Variants in ZNF618 observed in about 807,000 individuals in gnomAD.
ZNF618 encodes neural precursor cell expressed, developmentally down-regulated 10.
In ZNF618, 34 loss-of-function variants were observed where a neutral mutation model predicts 103.0. The ratio of observed to expected loss-of-function variants is 0.33; its 90% CI spans 0.25 to 0.44. The LOEUF (loss-of-function observed/expected upper bound fraction) is 0.44. ZNF618 is among the 20% of genes least tolerant of loss of function. ZNF618 has a pLI of 1.00. For missense variants in ZNF618, 1,059 were observed against 1,295.4 expected (o/e 0.82, Z 2.80); for synonymous variants, 551 against 542.2 (o/e 1.02, Z -0.23).
intron 2 of ZNF618, among the ~76,000 whole-genome samples, chr9:113,983,635 G>A (rs1337695802): frequency 9.2e-5 from 14 of 152,190 alleles, no homozygotes; most frequent in Admixed American, 9.2e-4. Flanking sequence ...ACTAGGGAGA[G>A]GCTGCCTTTT....
chr9:113,951,534 TGTAC>T (rs1193365374), intron 1 of ZNF618, among the ~76,000 whole-genome samples: 2 of 81,694 alleles, frequency 2.4e-5, no homozygotes, highest in African/African-American at 7.6e-5. Flanking sequence ...CACATATGTG[TGTAC>T]ATATGTACAC....
At chr9:114,026,872 G>T (rs1401182136) in intron 10 of ZNF618, among the ~76,000 whole-genome samples, 4 of 152,144 alleles carry the variant, frequency 2.6e-5, no homozygotes, top group Non-Finnish European at 5.9e-5. Context: ...AGTCGAGGGG[G>T]GAAAACAAAG....
chr9:114,044,826 A>AGTTT (rs755707582), intron 13 of ZNF618, among the ~76,000 whole-genome samples: 1 of 151,336 alleles, frequency 6.6e-6, no homozygotes, highest in Non-Finnish European at 1.5e-5. Context: ...TTGGTGGGGC[A>AGTTT]GTTTTTTGGC....
intron 1 of ZNF618, among the ~76,000 whole-genome samples, chr9:113,898,608 G>A (rs1830246609): frequency 2.6e-5 from 4 of 151,724 alleles, no homozygotes; most frequent in Admixed American, 2.6e-4. Flanking sequence ...TAAATTTTTT[G>A]TAGAGGCGGG....
intron 1 of ZNF618, among the ~76,000 whole-genome samples, chr9:113,950,103 CAAAG>C (rs1835416349): frequency 6.6e-6 from 1 of 152,178 alleles, no homozygotes; most frequent in African/African-American, 2.4e-5. Context: ...AGAGGAAAAA[CAAAG>C]AGAAAGAGGC....
intron 9 of ZNF618, among the ~76,000 whole-genome samples, chr9:114,010,472 C>T (rs1243779264): frequency 1.3e-5 from 2 of 151,548 alleles, no homozygotes; most frequent in Non-Finnish European, 2.9e-5. Flanking sequence ...TTTGGGAGGC[C>T]GAGACGGGTG....
intron 2 of ZNF618, among the ~76,000 whole-genome samples, chr9:113,976,666 A>T (rs182247913): frequency 4.5e-4 from 68 of 152,218 alleles, no homozygotes; most frequent in South Asian, 8.3e-4. Flanking sequence ...TCACTGCTGC[A>T]TGGAGGGTGA....
Position 113,954,368 on chromosome 9 carries a change from G to A in ZNF618, c.34-14749G>A, listed in dbSNP as rs149085703. Among the ~76,000 whole-genome samples the A allele has an allele frequency of 5.2e-3, 790 of 152,224 alleles. 13 individuals are homozygous for A. Among genetic ancestry groups the A allele is most frequent in the East Asian group, 0.047 (241 of 5,170 alleles). On this transcript the variant is annotated intron_variant, in intron 1 of 14. Coordinates refer to ENST00000374126, the MANE Select transcript of ZNF618 (RefSeq NM_001318042.2). Reference sequence around the variant, plus strand: ...TACCCTTTCACATGATGAGTTTTCCGTACTTCTCTCAGCAACACTGGAGTT... The same window carrying A: ...TACCCTTTCACATGATGAGTTTTCCATACTTCTCTCAGCAACACTGGAGTT...
intron 3 of ZNF618, among the ~76,000 whole-genome samples, chr9:113,989,643 C>T (rs145385277): frequency 6.6e-6 from 1 of 152,374 alleles, no homozygotes; most frequent in East Asian, 1.9e-4. Context: ...TGGTCCAGCT[C>T]TGGCTCACCT....
chr9:114,002,603 C>CCTCT (rs3034072), intron 5 of ZNF618, 21 bp from the exon 6 acceptor site: 110 of 1,514,676 alleles, frequency 7.3e-5, no homozygotes, highest in East Asian at 4.1e-4. Context: ...CACCCCCATC[C>CCTCT]CTCTCTCTCT....
intron 1 of ZNF618, among the ~76,000 whole-genome samples, chr9:113,901,581 C>T (rs371138802): frequency 1.3e-5 from 2 of 152,228 alleles, no homozygotes; most frequent in Non-Finnish European, 2.9e-5. Context: ...ATGCTAAACC[C>T]GGGCCCAGCA....
intron 1 of ZNF618, among the ~76,000 whole-genome samples, chr9:113,927,480 A>C (rs1833207706): frequency 6.6e-6 from 1 of 152,182 alleles, no homozygotes; most frequent in Non-Finnish European, 1.5e-5. Context: ...GGACTGGGCG[A>C]GGGGTAGTGT....
At chr9:113,880,188 T>C (rs1013774557) in intron 1 of ZNF618, among the ~76,000 whole-genome samples, 2 of 152,140 alleles carry the variant, frequency 1.3e-5, no homozygotes, top group South Asian at 2.1e-4. Context: ...AGCCGACTTC[T>C]CATGGTCATG....
intron 1 of ZNF618, among the ~76,000 whole-genome samples, chr9:113,883,488 G>C (rs1049734838): frequency 7.2e-5 from 11 of 152,138 alleles, no homozygotes; most frequent in African/African-American, 1.4e-4. Context: ...AACACCAGGG[G>C]CCTGTTTGCA....
chr9:113,946,955 G>T (rs764761656), intron 1 of ZNF618, among the ~76,000 whole-genome samples: 3 of 152,106 alleles, frequency 2.0e-5, no homozygotes, highest in Non-Finnish European at 4.4e-5. Context: ...GGTGGTTCTG[G>T]GAAAGCCTGC....
intron 2 of ZNF618, among the ~76,000 whole-genome samples, chr9:113,984,791 G>A (rs1385225629): frequency 6.6e-6 from 1 of 152,220 alleles, no homozygotes; most frequent in African/African-American, 2.4e-5. Context: ...AAATGGGAAT[G>A]TCAGCTGCTT....
At chr9:114,043,516 A>G (rs1267902367) in intron 13 of ZNF618, among the ~76,000 whole-genome samples, 2 of 152,230 alleles carry the variant, frequency 1.3e-5, no homozygotes, top group South Asian at 2.1e-4. Context: ...CTCATTGACC[A>G]CATTGGCAAA....
intron 6 of ZNF618, among the ~76,000 whole-genome samples, chr9:114,005,189 T>A (rs1430668941): frequency 6.6e-6 from 1 of 152,138 alleles, no homozygotes; most frequent in East Asian, 1.9e-4. Context: ...CTGGTAGAGT[T>A]GGGTTTGATT....
intron 1 of ZNF618, among the ~76,000 whole-genome samples, chr9:113,962,298 A>G (rs1167127469): frequency 1.3e-5 from 2 of 151,940 alleles, no homozygotes; most frequent in South Asian, 2.1e-4. Flanking sequence ...TCAGAACTCA[A>G]CCTTTCCTCA....
Sources: allele counts gnomAD v4.1 joint callset (sites outside exome capture counted in the v4.1 genomes callset), GRCh38; gene constraint gnomAD v4.1.1; transcripts MANE v1.5; gene names NCBI Gene and HGNC (gene_info 2026-07-23, HGNC 2026-07-21).